Variants in PRKG1 observed in about 807,000 individuals in gnomAD.
The protein encoded by PRKG1 is protein kinase cGMP-dependent 1.
A neutral mutation model predicts 88.1 loss-of-function variants in PRKG1; 35 were observed. The observed-to-expected ratio is 0.40, with a 90% CI of 0.30 to 0.53. PRKG1 has a LOEUF of 0.53. PRKG1 is among the 20% of genes least tolerant of loss of function. PRKG1 has a pLI of 0.59. For synonymous variants in PRKG1, 303 were observed against 292.5 expected, an observed-to-expected ratio of 1.04 and a Z score of -0.37; for missense variants, 540 against 839.8, an observed-to-expected ratio of 0.64 and a Z score of 4.41.
intron 2 of PRKG1, among the ~76,000 whole-genome samples, chr10:51,377,903 C>T (rs1842847743): frequency 6.6e-6 from 1 of 152,202 alleles, no homozygotes; most frequent in Non-Finnish European, 1.5e-5. Flanking sequence ...AGTGACTGAG[C>T]TCCTGGCCTC....
intron 4 of PRKG1, among the ~76,000 whole-genome samples, chr10:51,885,802 T>C (rs1035032731): frequency 1.2e-4 from 18 of 152,208 alleles, no homozygotes; most frequent in Admixed American, 2.0e-4. Context: ...CCAATTTGAA[T>C]CTGCTTGGGC....
chr10:51,178,812 T>C lies in PRKG1; in HGVS notation c.478+25482T>C, dbSNP rs551901078. Among the ~76,000 whole-genome samples, 19 of 152,174 alleles carry C rather than the reference T, an allele frequency of 1.2e-4. No individual in the cohort carries two copies. In the East Asian group the frequency reaches 3.3e-3, roughly 26 times the overall value. ...TTGAAAAAAATGACAAGATAACATA[T>C]ATGATGTAATGAAATTATTGATGAT... On this transcript the variant is annotated intron_variant, in intron 2 of 17. Coordinates refer to ENST00000373980, the MANE Select transcript of PRKG1 (RefSeq NM_006258.4).
chr10:52,093,732 C>G lies in PRKG1; in HGVS notation c.935+31101C>G, dbSNP rs572577651. Reference sequence around the variant, plus strand: ...TTCCATTTGTTAGTGTAGGTGTTGCCTTAGTCTAGATCACAGCAAAAATTG... The same window carrying G: ...TTCCATTTGTTAGTGTAGGTGTTGCGTTAGTCTAGATCACAGCAAAAATTG... On this transcript the variant is annotated intron_variant, in intron 7 of 17. Transcript: ENST00000373980. Among the ~76,000 whole-genome samples the G allele has an allele frequency of 2.0e-5, 3 of 152,104 alleles. No individual in the cohort carries two copies. In the East Asian group the frequency reaches 5.8e-4, roughly 30 times the overall value.
At chr10:51,986,975 T>G (rs957933843) in intron 5 of PRKG1, among the ~76,000 whole-genome samples, 1 of 152,164 alleles carries the variant, frequency 6.6e-6, no homozygotes, top group Admixed American at 6.5e-5. Context: ...CTGATTACTA[T>G]AAATAAGAAA....
At chr10:51,744,033 T>G (rs201418889) in intron 3 of PRKG1, among the ~76,000 whole-genome samples, 2 of 151,940 alleles carry the variant, frequency 1.3e-5, no homozygotes, top group East Asian at 3.9e-4. Context: ...TCTTCTCGAT[T>G]TCTTTCCTTT....
At chr10:51,517,546 A>G (rs1841621614) in intron 3 of PRKG1, among the ~76,000 whole-genome samples, 1 of 152,184 alleles carries the variant, frequency 6.6e-6, no homozygotes, top group Non-Finnish European at 1.5e-5. Flanking sequence ...CAAGATTGAC[A>G]AGACAGAAAG....
At chr10:51,522,757 C>A (rs758911522) in intron 3 of PRKG1, among the ~76,000 whole-genome samples, 4 of 151,950 alleles carry the variant, frequency 2.6e-5, no homozygotes, top group Non-Finnish European at 5.9e-5. Flanking sequence ...AAAAATCTAC[C>A]TGCTTTTTTT....
At chr10:51,204,367 CGTGTGTGTGTGTGTGTGT>C (rs34624885) in intron 2 of PRKG1, among the ~76,000 whole-genome samples, 1 of 145,862 alleles carries the variant, frequency 6.9e-6, no homozygotes, top group African/African-American at 2.5e-5. Flanking sequence ...AGTAGACCTC[CGTGTGTGTGTGTGTGTGT>C]GTGTGTGTGT....
intron 5 of PRKG1, among the ~76,000 whole-genome samples, chr10:51,921,007 T>A (rs1032747491): frequency 3.3e-5 from 5 of 152,004 alleles, no homozygotes; most frequent in African/African-American, 4.8e-5. Flanking sequence ...TACCATAGAG[T>A]GTTGTACAGT....
chr10:51,874,796 A>G (rs1841253022), intron 4 of PRKG1, among the ~76,000 whole-genome samples: 1 of 152,210 alleles, frequency 6.6e-6, no homozygotes, highest in Non-Finnish European at 1.5e-5. Flanking sequence ...GTTTGGGAAT[A>G]ATTATGTAAT....
chr10:51,747,751 T>G (rs1270333021), intron 3 of PRKG1, among the ~76,000 whole-genome samples: 2 of 152,140 alleles, frequency 1.3e-5, no homozygotes, highest in Non-Finnish European at 2.9e-5. Context: ...TTTATAGACT[T>G]TTAGTACTTA....
At chr10:51,125,851 T>C (rs1461907167) in intron 1 of PRKG1, among the ~76,000 whole-genome samples, 1 of 140,860 alleles carries the variant, frequency 7.1e-6, no homozygotes, top group Non-Finnish European at 1.5e-5. Flanking sequence ...TTTAATTATA[T>C]AATTATAACT....
chr10:51,169,006 T>C (rs1292691172), intron 2 of PRKG1, among the ~76,000 whole-genome samples: 1 of 152,168 alleles, frequency 6.6e-6, no homozygotes, highest in African/African-American at 2.4e-5. Context: ...TATTCTGAGT[T>C]AGCGTCGCAG....
chr10:52,157,832 C>G (rs1838166916), intron 8 of PRKG1, among the ~76,000 whole-genome samples: 1 of 151,384 alleles, frequency 6.6e-6, no homozygotes, highest in East Asian at 1.9e-4. Context: ...TTTCCTTCCC[C>G]ACCTGACAAG....
chr10:51,445,676 T>G (rs562124764), intron 2 of PRKG1, among the ~76,000 whole-genome samples: 1 of 152,034 alleles, frequency 6.6e-6, no homozygotes, highest in East Asian at 1.9e-4. Context: ...GATAATTACT[T>G]GATTCCAGTA....
chr10:51,554,153 ATATAT>A (rs1396818020), intron 3 of PRKG1, among the ~76,000 whole-genome samples: 111 of 147,396 alleles, frequency 7.5e-4, no homozygotes, highest in African/African-American at 2.6e-3. Flanking sequence ...TGATATGTGT[ATATAT>A]TATATGTGCG....
intron 8 of PRKG1, among the ~76,000 whole-genome samples, chr10:52,152,963 T>C (rs1837978431): frequency 6.6e-6 from 1 of 152,094 alleles, no homozygotes; most frequent in Admixed American, 6.6e-5. Flanking sequence ...AATAGCTCAG[T>C]TTATAGAGAA....
chr10:52,040,451 G>A (rs1029378998), intron 5 of PRKG1, among the ~76,000 whole-genome samples: 21 of 152,192 alleles, frequency 1.4e-4, no homozygotes, highest in Admixed American at 3.9e-4. Flanking sequence ...ATTAGGTGGA[G>A]TAGAATGCTT....
chr10:51,509,258 C>T (rs1349180988), intron 3 of PRKG1, among the ~76,000 whole-genome samples: 1 of 152,146 alleles, frequency 6.6e-6, no homozygotes, highest in African/African-American at 2.4e-5. Context: ...GGCTAAGTAA[C>T]TAAATGCTTT....
Sources: gnomAD v4.1 joint callset for allele counts (sites outside exome capture counted in the v4.1 genomes callset) on GRCh38, gnomAD v4.1.1 for gene constraint, MANE v1.5 for transcripts, NCBI Gene and HGNC (gene_info 2026-07-23, HGNC 2026-07-21) for gene names.